Variants in ABTB3 observed in about 807,000 individuals in gnomAD.
The protein encoded by ABTB3 is ankyrin repeat- and BTB/POZ domain-containing protein 3.
the ABTB3 span, among the ~76,000 whole-genome samples, chr12:107,464,949 T>TACACAC: frequency 2.3e-4 from 34 of 146,628 alleles, no homozygotes; most frequent in Middle Eastern, 3.4e-3. Flanking sequence ...CTCCCTACCT[T>TACACAC]ACACACACAC....
chr12:107,615,204 A>C, the ABTB3 span: 4 of 1,511,426 alleles, frequency 2.6e-6, no homozygotes, highest in South Asian at 4.6e-5. Context: ...TTTTGATTTT[A>C]CCTCTTCCAT....
chr12:107,583,437 T>A, the ABTB3 span, among the ~76,000 whole-genome samples: 1 of 152,236 alleles, frequency 6.6e-6, no homozygotes, highest in Admixed American at 6.5e-5. Flanking sequence ...TAGGTAACTC[T>A]GCCAACATCA....
At chr12:107,422,289 G>T in the ABTB3 span, among the ~76,000 whole-genome samples, 1 of 152,158 alleles carries the variant, frequency 6.6e-6, no homozygotes, top group African/African-American at 2.4e-5. Context: ...AGTGATGGAA[G>T]ATGGGTCAGA....
At chr12:107,544,371 G>T in the ABTB3 span, among the ~76,000 whole-genome samples, 449 of 152,296 alleles carry the variant, frequency 2.9e-3, 18 homozygotes, top group South Asian at 0.088. Context: ...GCCTATGTCA[G>T]ATAAGTGGGT....
chr12:107,527,825 C>T, the ABTB3 span, among the ~76,000 whole-genome samples: 2 of 152,048 alleles, frequency 1.3e-5, no homozygotes, highest in Non-Finnish European at 2.9e-5. Flanking sequence ...TTGTTTCTTT[C>T]GCTTTTTCTC....
chr12:107,453,328 A>C, the ABTB3 span, among the ~76,000 whole-genome samples: 1 of 152,158 alleles, frequency 6.6e-6, no homozygotes. Flanking sequence ...TTGAATGTTG[A>C]AATTCTAACC....
chr12:107,441,543 G>A, the ABTB3 span, among the ~76,000 whole-genome samples: 1 of 152,032 alleles, frequency 6.6e-6, no homozygotes, highest in Non-Finnish European at 1.5e-5. Flanking sequence ...GTTGATAGGT[G>A]TAGCAAACCA....
chr12:107,584,630 T>C, the ABTB3 span, among the ~76,000 whole-genome samples: 1 of 152,020 alleles, frequency 6.6e-6, no homozygotes, highest in Admixed American at 6.5e-5. Flanking sequence ...GTGGCTGGAG[T>C]GTCTGTGACT....
At chr12:107,554,188 CT>C in the ABTB3 span, among the ~76,000 whole-genome samples, 4 of 152,178 alleles carry the variant, frequency 2.6e-5, no homozygotes, top group East Asian at 7.7e-4. Context: ...AACATTAAGT[CT>C]TTGATCCTAA....
the ABTB3 span, among the ~76,000 whole-genome samples, chr12:107,415,625 G>A: frequency 0.2 from 29,775 of 151,212 alleles, 3,174 homozygotes; most frequent in Admixed American, 0.28. Flanking sequence ...GGAGAATGGC[G>A]TGAACCCAGG....
the ABTB3 span, among the ~76,000 whole-genome samples, chr12:107,469,985 T>C: frequency 3.0e-5 from 3 of 99,002 alleles, 1 homozygote; most frequent in Non-Finnish European, 5.7e-5. Context: ...TCTTTCTTTC[T>C]TTCTTTCTTT....
the ABTB3 span, chr12:107,319,779 C>A: frequency 1.4e-6 from 2 of 1,452,740 alleles, no homozygotes; most frequent in Non-Finnish European, 1.8e-6. Context: ...GGCCCTGGTG[C>A]GGCCCCCGCG....
At chr12:107,508,434 A>ATTTTTTTTTTTTTTTTTTTTT in the ABTB3 span, among the ~76,000 whole-genome samples, 19 of 58,736 alleles carry the variant, frequency 3.2e-4, no homozygotes, top group Non-Finnish European at 6.4e-4. Context: ...CTCAAAGATC[A>ATTTTTTTTTTTTTTTTTTTTT]TTTCTTTTTT....
At chr12:107,583,936 G>A in the ABTB3 span, among the ~76,000 whole-genome samples, 2 of 152,074 alleles carry the variant, frequency 1.3e-5, no homozygotes, top group South Asian at 2.1e-4. Flanking sequence ...TTGATTGTTC[G>A]AGCTAAATTT....
chr12:107,651,983 G>C, the ABTB3 span, among the ~76,000 whole-genome samples: 1 of 152,252 alleles, frequency 6.6e-6, no homozygotes. Context: ...AACAAGGAAA[G>C]TAGGAGCCCA....
At chr12:107,397,109 G>A in the ABTB3 span, among the ~76,000 whole-genome samples, 1 of 152,162 alleles carries the variant, frequency 6.6e-6, no homozygotes, top group African/African-American at 2.4e-5. Flanking sequence ...GCCTCCCCTT[G>A]GAACCCCAGT....
chr12:107,519,331 CTTTT>C, the ABTB3 span, among the ~76,000 whole-genome samples: 1,899 of 140,114 alleles, frequency 0.014, 43 homozygotes, highest in African/African-American at 0.046. Context: ...TTTTCTTTTT[CTTTT>C]TTTTTTTTTG....
the ABTB3 span, among the ~76,000 whole-genome samples, chr12:107,444,258 A>AG: frequency 6.6e-6 from 1 of 152,178 alleles, no homozygotes; most frequent in African/African-American, 2.4e-5. Flanking sequence ...AGCATAGCCG[A>AG]GGGGCTTAGC....
At chr12:107,448,284 T>A in the ABTB3 span, among the ~76,000 whole-genome samples, 5 of 152,278 alleles carry the variant, frequency 3.3e-5, no homozygotes, top group East Asian at 5.8e-4. Context: ...GGTGTGTAAT[T>A]ATGGTGGGTA....
Sources: allele counts gnomAD v4.1 joint callset (sites outside exome capture counted in the v4.1 genomes callset), GRCh38; gene constraint gnomAD v4.1.1; transcripts MANE v1.5; gene names NCBI Gene and HGNC (gene_info 2026-07-23, HGNC 2026-07-21).